ANO4: variants seen among roughly 807,000 people sequenced by gnomAD.
The protein encoded by ANO4 is anoctamin-4.
ANO4 carries 69 observed loss-of-function variants against 141.9 expected under a neutral mutation model. The observed-to-expected ratio is 0.49, with a 90% CI of 0.40 to 0.59. The LOEUF is 0.59. Among genes scored for constraint, ANO4 ranks in the 20% least tolerant of loss-of-function variants. The pLI is 0.00. For synonymous variants in ANO4, 350 were observed against 394.3 expected (o/e 0.89, Z 1.33); for missense variants, 894 against 1,162.2 (o/e 0.77, Z 3.36).
intron 1 of ANO4, among the ~76,000 whole-genome samples, chr12:100,837,302 A>G (rs1335190128): frequency 6.6e-6 from 1 of 152,076 alleles, no homozygotes; most frequent in Non-Finnish European, 1.5e-5. Flanking sequence ...TTATAATATC[A>G]TTTTCGTTTG....
chr12:101,035,859 A>C (rs2047171656), intron 9 of ANO4, among the ~76,000 whole-genome samples: 1 of 152,162 alleles, frequency 6.6e-6, no homozygotes, highest in Non-Finnish European at 1.5e-5. Flanking sequence ...TTGAGGGTGG[A>C]GGGTGAGAGG....
intron 2 of ANO4, among the ~76,000 whole-genome samples, chr12:100,907,753 G>A (rs115204852): frequency 6.6e-6 from 1 of 152,218 alleles, no homozygotes; most frequent in African/African-American, 2.4e-5. Context: ...ACATTTCCTA[G>A]TGTCTTCAGT....
chr12:100,966,860 TG>T (rs1341431791), intron 5 of ANO4, among the ~76,000 whole-genome samples: 1 of 137,916 alleles, frequency 7.3e-6, no homozygotes, highest in African/African-American at 2.9e-5. Context: ...TATACACACA[TG>T]TATATATATA....
intron 1 of ANO4, among the ~76,000 whole-genome samples, chr12:100,888,144 G>C (rs2039928846): frequency 6.6e-6 from 1 of 152,190 alleles, no homozygotes; most frequent in Non-Finnish European, 1.5e-5. Context: ...GGAAATAAAA[G>C]TAAACGGTAG....
intron 1 of ANO4, among the ~76,000 whole-genome samples, chr12:100,819,969 T>C (rs2035946055): frequency 6.6e-6 from 1 of 151,990 alleles, no homozygotes; most frequent in South Asian, 2.1e-4. Context: ...TTATTTGTCT[T>C]TTGATCCCTG....
At chr12:101,023,371 T>G (rs1293631728) in intron 9 of ANO4, among the ~76,000 whole-genome samples, 1 of 152,160 alleles carries the variant, frequency 6.6e-6, no homozygotes, top group Non-Finnish European at 1.5e-5. Context: ...GACCTCCATG[T>G]GTTGAAAATT....
chr12:100,904,916 A>C (rs915297519), intron 2 of ANO4, among the ~76,000 whole-genome samples: 2 of 152,170 alleles, frequency 1.3e-5, no homozygotes, highest in African/African-American at 4.8e-5. Context: ...TAATGGTGAG[A>C]ATTTAGAGTC....
intron 1 of ANO4, among the ~76,000 whole-genome samples, chr12:100,882,175 C>T (rs1180048053): frequency 6.6e-6 from 1 of 152,054 alleles, no homozygotes. Flanking sequence ...TCAAACCAAC[C>T]CTGTGGGGTA....
At chr12:100,732,463 T>TCAG (rs2031419746) in intron 1 of ANO4, among the ~76,000 whole-genome samples, 1 of 152,208 alleles carries the variant, frequency 6.6e-6, no homozygotes, top group African/African-American at 2.4e-5. Context: ...GTATACTTTA[T>TCAG]ATAACAATCC....
At chr12:100,951,000 A>G (rs1399529778) in intron 5 of ANO4, among the ~76,000 whole-genome samples, 1 of 152,180 alleles carries the variant, frequency 6.6e-6, no homozygotes, top group African/African-American at 2.4e-5. Flanking sequence ...TTAGGATGCT[A>G]TTTCTCAAAG....
chr12:101,093,414 C>A (rs1270170984), intron 17 of ANO4, among the ~76,000 whole-genome samples: 1 of 152,182 alleles, frequency 6.6e-6, no homozygotes, highest in Non-Finnish European at 1.5e-5. Context: ...TAATTCCAGC[C>A]TGGGCAATTT....
At chr12:101,010,548 C>T (rs935822494) in intron 8 of ANO4, among the ~76,000 whole-genome samples, 4 of 152,182 alleles carry the variant, frequency 2.6e-5, no homozygotes, top group Non-Finnish European at 5.9e-5. Flanking sequence ...AGATATTGTG[C>T]TGCAGTTGCC....
intron 1 of ANO4, among the ~76,000 whole-genome samples, chr12:100,722,885 A>G (rs1036661462): frequency 2.0e-5 from 3 of 152,276 alleles, no homozygotes; most frequent in Middle Eastern, 3.4e-3. Flanking sequence ...GCAAAAGAAT[A>G]AAAGCATCCA....
intron 1 of ANO4, chr12:100,842,294 T>C (rs962874702): frequency 6.6e-6 from 1 of 152,044 alleles, no homozygotes; most frequent in African/African-American, 2.4e-5. Context: ...CCATCTTTTA[T>C]GTGGTTGTTT....
At chr12:100,958,415 C>T (rs2043266873) in intron 5 of ANO4, among the ~76,000 whole-genome samples, 1 of 152,134 alleles carries the variant, frequency 6.6e-6, no homozygotes, top group Admixed American at 6.5e-5. Context: ...TCATATAGTG[C>T]CTGGCACAAT....
chr12:100,748,315 C>T (rs2032204844), intron 3 of ANO4, among the ~76,000 whole-genome samples: 1 of 152,180 alleles, frequency 6.6e-6, no homozygotes, highest in Admixed American at 6.5e-5. Flanking sequence ...ACCCTGCAAC[C>T]TGAACAACTG....
chr12:101,004,174 C>T (rs1043829871), intron 8 of ANO4, among the ~76,000 whole-genome samples: 3 of 151,654 alleles, frequency 2.0e-5, no homozygotes, highest in African/African-American at 4.8e-5. Flanking sequence ...ACTATAGTGT[C>T]GCAAAGGAAA....
chr12:100,901,063 C>G (rs1345587675), intron 1 of ANO4, among the ~76,000 whole-genome samples: 2 of 152,118 alleles, frequency 1.3e-5, no homozygotes, highest in Non-Finnish European at 1.5e-5. Flanking sequence ...CTGGAATTTG[C>G]TTTAAATACT....
Position 100,855,602 on chromosome 12 carries a change from T to C in ANO4, c.-140-46044T>C, listed in dbSNP as rs138570131. Among the ~76,000 whole-genome samples, 1,415 of 152,310 alleles carry C rather than the reference T, an allele frequency of 9.3e-3. 21 individuals carry two copies. Among genetic ancestry groups the C allele is most frequent in the African/African-American group, 0.032 (1,328 of 41,566 alleles). ...TACAGAGTTTGTTTTCTGTTTTTCCTTGTTTATACAAATTTCCCCAGAATA... is the reference window on the plus strand; with the variant it reads ...TACAGAGTTTGTTTTCTGTTTTTCCCTGTTTATACAAATTTCCCCAGAATA... On this transcript the variant is annotated intron_variant, in intron 1 of 27. Transcript: ENST00000392977.
Sources: allele counts gnomAD v4.1 joint callset (sites outside exome capture counted in the v4.1 genomes callset), GRCh38; gene constraint gnomAD v4.1.1; transcripts MANE v1.5; gene names NCBI Gene and HGNC (gene_info 2026-07-23, HGNC 2026-07-21).